The following USP34 variants were observed in gnomAD, a reference collection of about 807,000 sequenced individuals.
USP34 encodes the protein ubiquitin carboxyl-terminal hydrolase 34.
Under a neutral mutation model 460.3 loss-of-function variants are expected in USP34, and 70 were observed. That is an observed-to-expected ratio of 0.15 (90% confidence interval 0.13 to 0.19). The LOEUF (loss-of-function observed/expected upper bound fraction) is 0.19. USP34 is among the 10% of genes least tolerant of loss of function. USP34 has a pLI of 1.00. For synonymous variants in USP34, 1,647 were observed against 1,405.3 expected, an observed-to-expected ratio of 1.17 and a Z score of -3.85; for missense variants, 3,985 against 4,236.2, an observed-to-expected ratio of 0.94 and a Z score of 1.65.
intron 41 of USP34, among the ~76,000 whole-genome samples, chr2:61,272,932 A>C (rs1689259477): frequency 6.6e-6 from 1 of 152,216 alleles, no homozygotes; most frequent in African/African-American, 2.4e-5. Context: ...AACAAGAATT[A>C]CTTGCAGATA....
At chr2:61,278,330 A>G in intron 40 of USP34, 45 bp from the exon 41 acceptor site, 1 of 1,609,736 alleles carries the variant, frequency 6.2e-7, no homozygotes. Flanking sequence ...TAGTTCACAT[A>G]ATTATGTCTT....
At chr2:61,261,233 C>G (rs926010388) in intron 43 of USP34, among the ~76,000 whole-genome samples, 1 of 152,166 alleles carries the variant, frequency 6.6e-6, no homozygotes, top group Non-Finnish European at 1.5e-5. Flanking sequence ...TTATTCACAA[C>G]AGCCAAAAGG....
rs535681759 is a variant in USP34 at position 61,406,668 on chromosome 2, C to T, written c.132-540G>A. On this transcript the variant is annotated intron_variant, in intron 2 of 79. Coordinates refer to ENST00000398571, the MANE Select transcript of USP34 (RefSeq NM_014709.4). ...TCTCTCTTTCTCTCTCTCTCTCCCC[C>T]CCAAGCTCCTGTAAAAAAAAATATA... 1.7e-3 allele frequency among the ~76,000 whole-genome samples: 256 copies of T among 150,690 alleles called. 1 individual carries two copies. Among genetic ancestry groups the T allele is most frequent in the African/African-American group, 5.5e-3 (227 of 40,926 alleles).
intron 1 of USP34, among the ~76,000 whole-genome samples, chr2:61,423,981 A>G (rs544860358): frequency 1.8e-4 from 27 of 152,316 alleles, no homozygotes; most frequent in African/African-American, 6.3e-4. Flanking sequence ...CAAAATAAAT[A>G]AAATAAATGT....
intron 18 of USP34, among the ~76,000 whole-genome samples, chr2:61,335,379 A>G (rs1286201898): frequency 6.6e-6 from 1 of 152,210 alleles, no homozygotes; most frequent in African/African-American, 2.4e-5. Flanking sequence ...TTCTTTCAAG[A>G]CTGAAAATTT....
intron 48 of USP34, among the ~76,000 whole-genome samples, chr2:61,253,955 A>G (rs2005285): frequency 0.45 from 68,118 of 151,990 alleles, 15,822 homozygotes; most frequent in South Asian, 0.71. Context: ...GGCTGGTCTC[A>G]AACTCCTGAC....
intron 75 of USP34, chr2:61,200,800 T>C (rs1310070278): frequency 1.3e-5 from 2 of 152,330 alleles, no homozygotes; most frequent in Admixed American, 6.5e-5. Context: ...GACTTTCTTT[T>C]CTCAAGCCCT....
At chr2:61,324,116 A>C (rs1691012450) in intron 21 of USP34, among the ~76,000 whole-genome samples, 2 of 152,228 alleles carry the variant, frequency 1.3e-5, no homozygotes, top group African/African-American at 4.8e-5. Context: ...TCTAAAAAAT[A>C]AGGTTTGACA....
At position 61,383,273 on chromosome 2, in the gene USP34, T is replaced by C. The variant is rs1350775379; in HGVS notation, c.817A>G (p.Ile273Val). 1.3e-6 allele frequency: 2 copies of C among 1,593,754 alleles called. No individual in the cohort carries two copies. The highest frequency in any genetic ancestry group is 3.5e-5 in the Admixed American group (2 of 57,836). Residue 273 changes from isoleucine to valine, a missense_variant, in exon 6 of 80, where the codon ATT becomes GTT. Around this residue, in one of 14 missense-constraint regions of USP34, gnomAD observed 70 missense variants for 109.5 expected, o/e 0.64. Coordinates refer to ENST00000398571, the MANE Select transcript of USP34 (RefSeq NM_014709.4). ...QHIIPFRTYV[I>V]RYLCKLSDQE... is the part of the protein sequence containing the mutation. ...AAAGAAATTTTATAAACTTACCTAA[T>C]AACATAGGTCCTAAAAGGTATAATG... is the stretch of plus-strand genomic sequence containing the variant.
intron 1 of USP34, among the ~76,000 whole-genome samples, chr2:61,438,894 T>C (rs1322738895): frequency 6.6e-6 from 1 of 152,148 alleles, no homozygotes; most frequent in Non-Finnish European, 1.5e-5. Flanking sequence ...CAGCTGCAGA[T>C]GACATGACCT....
chr2:61,339,697 A>G lies in USP34; in HGVS notation c.2501-16T>C. On this transcript the variant is annotated splice_polypyrimidine_tract_variant and intron_variant, in intron 16 of 79. Coordinates refer to ENST00000398571, the MANE Select transcript of USP34 (RefSeq NM_014709.4). ...ACTACAGGTCCTGAAGAGAAAAAAA[A>G]AAAAAAGACACACTATAGAGAAATG... is the stretch of plus-strand genomic sequence containing the variant. 7.2e-7 allele frequency: 1 copy of G among 1,385,306 alleles called. No individual in the cohort carries two copies. The allele number at this position is 1,385,306 out of a possible 1,614,324, so 85.8% of individuals were successfully genotyped here. A position where few individuals can be genotyped will look rare whatever the true frequency, so the allele number is the denominator to read the frequency against.
At chr2:61,284,327 A>AATTTTC in intron 35 of USP34, among the ~76,000 whole-genome samples, 1 of 152,228 alleles carries the variant, frequency 6.6e-6, no homozygotes, top group South Asian at 2.1e-4. Context: ...TCAAACTGAA[A>AATTTTC]AGTACTCTAT....
At chr2:61,416,839 G>T (rs1573020034) in intron 2 of USP34, 18 of 364,106 alleles carry the variant, frequency 4.9e-5, no homozygotes, top group East Asian at 8.9e-5. Context: ...GGGACAGGAA[G>T]TAGAATGTAT....
chr2:61,366,047 T>C (rs940256436), intron 10 of USP34, among the ~76,000 whole-genome samples: 7 of 152,150 alleles, frequency 4.6e-5, no homozygotes, highest in African/African-American at 1.7e-4. Flanking sequence ...TGCCTCAGCC[T>C]CCTGAGTAGC....
intron 1 of USP34, among the ~76,000 whole-genome samples, chr2:61,465,009 A>C (rs538419849): frequency 6.6e-6 from 1 of 152,318 alleles, no homozygotes; most frequent in South Asian, 2.1e-4. Flanking sequence ...CCACAAAATG[A>C]TAACAGCAAA....
chr2:61,281,484 C>T (rs182215347), intron 37 of USP34, among the ~76,000 whole-genome samples: 14 of 152,270 alleles, frequency 9.2e-5, no homozygotes, highest in Admixed American at 2.6e-4. Flanking sequence ...TGGTGACTTG[C>T]GCCTGTAGTC....
Position 61,470,748 on chromosome 2 carries a change from C to A in USP34, c.-56G>T, listed in dbSNP as rs1389469203. 2.7e-6 allele frequency: 4 copies of A among 1,491,264 alleles called. No homozygotes were observed. In the South Asian group the frequency reaches 4.7e-5, roughly 18 times the overall value. 92.4% of individuals were successfully genotyped at this position (1,491,264 alleles called of 1,614,324 possible). ...TTCGGATCACACTGACTGATCCCGA[C>A]CGGCGGGGGGGAGGGGAGAGAGGCG... On this transcript the variant is annotated 5_prime_UTR_variant, in exon 1 of 80. Transcript: ENST00000398571.
At chr2:61,377,916 C>T (rs777718151) in intron 8 of USP34, among the ~76,000 whole-genome samples, 3 of 152,310 alleles carry the variant, frequency 2.0e-5, no homozygotes, top group South Asian at 2.1e-4. Flanking sequence ...CAGTGGCTCA[C>T]GCCTGTAATC....
intron 48 of USP34, among the ~76,000 whole-genome samples, chr2:61,252,893 G>A (rs993087388): frequency 2.0e-5 from 3 of 152,090 alleles, no homozygotes. Context: ...AAACTAAGAT[G>A]ACAAAACAAA....
Sources: gnomAD v4.1 joint callset for allele counts (sites outside exome capture counted in the v4.1 genomes callset) on GRCh38, gnomAD v4.1.1 for gene constraint, gnomAD v4.1.1 regional missense constraint, MANE v1.5 for transcripts, NCBI Gene and HGNC (gene_info 2026-07-23, HGNC 2026-07-21) for gene names.